The following CPNE5 variants were observed in gnomAD, a reference collection of about 807,000 sequenced individuals.
The protein encoded by CPNE5 is copine 5.
CPNE5 carries 42 observed loss-of-function variants against 81.1 expected under a neutral mutation model. That is an observed-to-expected ratio of 0.52 (90% CI 0.40 to 0.67). The LOEUF (loss-of-function observed/expected upper bound fraction) is 0.67, where lower values mean the gene tolerates loss of function less well. Among genes scored for constraint, CPNE5 ranks in the 30% least tolerant of loss-of-function variants. The pLI is 0.00. For missense variants in CPNE5, 612 were observed against 815.5 expected (o/e 0.75, Z 3.04); for synonymous variants, 313 against 321.5 (o/e 0.97, Z 0.28).
At chr6:36,760,251 C>T (rs1215227519) in intron 12 of CPNE5, among the ~76,000 whole-genome samples, 2 of 149,092 alleles carry the variant, frequency 1.3e-5, no homozygotes, top group Non-Finnish European at 3.0e-5. Flanking sequence ...ACACAGATTG[C>T]GGGTGGCTGG....
intron 2 of CPNE5, among the ~76,000 whole-genome samples, 181 bp from the exon 3 acceptor site, chr6:36,822,341 G>A (rs114041173): frequency 6.1e-4 from 93 of 151,724 alleles, no homozygotes; most frequent in African/African-American, 2.2e-3. Flanking sequence ...AGTGAGTCTG[G>A]CCCCCCAAGC....
At chr6:36,830,157 C>A (rs1192449627) in intron 1 of CPNE5, among the ~76,000 whole-genome samples, 1 of 152,194 alleles carries the variant, frequency 6.6e-6, no homozygotes, top group Non-Finnish European at 1.5e-5. Context: ...AAGAGGCATG[C>A]AGAAATGTGA....
intron 11 of CPNE5, among the ~76,000 whole-genome samples, chr6:36,764,258 G>A (rs1035215090): frequency 1.3e-5 from 2 of 152,036 alleles, no homozygotes; most frequent in East Asian, 1.9e-4. Flanking sequence ...AGGGTAAGAC[G>A]AGGCAAATTC....
chr6:36,748,397 C>T, intron 14 of CPNE5, 130 bp from the exon 15 acceptor site: 1 of 776,432 alleles, frequency 1.3e-6, no homozygotes, highest in Non-Finnish European at 2.3e-6. Context: ...TGAAGTCATT[C>T]ATCTCTTTCT....
Position 36,742,284 on chromosome 6 carries a change from AG to A in CPNE5, c.1765del (p.Leu589CysfsTer71). On this transcript the variant is annotated frameshift_variant, in exon 21 of 21. Transcript: ENST00000244751. LOFTEE classifies it high-confidence loss of function. ...AGACCAGGTTCAGATGTGCGTGTGCAGGGGGGACGCAGGGGGCGTGCGGGCT... is the reference window on the plus strand; with the variant it reads ...AGACCAGGTTCAGATGTGCGTGTGCAGGGGGACGCAGGGGGCGTGCGGGCT... ...SPARTPPASP[L>X]HTHI 1.1e-5 allele frequency: 17 copies of A among 1,593,316 alleles called. No homozygotes were observed. The highest frequency in any genetic ancestry group is 1.4e-5 in the Non-Finnish European group (16 of 1,171,982).
chr6:36,751,765 A>G (rs1390884582), intron 14 of CPNE5, among the ~76,000 whole-genome samples: 1 of 152,250 alleles, frequency 6.6e-6, no homozygotes, highest in Non-Finnish European at 1.5e-5. Flanking sequence ...ACTGCACTCC[A>G]GCCTGAGTGA....
chr6:36,825,427 C>T (rs529388525), intron 1 of CPNE5, among the ~76,000 whole-genome samples: 3 of 152,268 alleles, frequency 2.0e-5, no homozygotes, highest in East Asian at 3.9e-4. Context: ...CAACTCCAGT[C>T]TCTACATCCA....
intron 8 of CPNE5, among the ~76,000 whole-genome samples, chr6:36,782,353 C>T (rs1768102379): frequency 6.6e-6 from 1 of 152,162 alleles, no homozygotes; most frequent in Non-Finnish European, 1.5e-5. Context: ...GGCAACAGCT[C>T]TTAGTTTTGC....
chr6:36,805,142 G>C (rs1770475634), intron 3 of CPNE5, among the ~76,000 whole-genome samples: 1 of 152,228 alleles, frequency 6.6e-6, no homozygotes, highest in South Asian at 2.1e-4. Context: ...TTTGGCTGCT[G>C]TATTTCATTC....
chr6:36,774,779 G>A (rs908875198), intron 10 of CPNE5, among the ~76,000 whole-genome samples, 182 bp downstream of exon 10: 6 of 152,244 alleles, frequency 3.9e-5, no homozygotes, highest in Non-Finnish European at 7.3e-5. Flanking sequence ...GTGCAGCAGG[G>A]AAAGAGTGGA....
chr6:36,774,825 C>G (rs941713889), intron 10 of CPNE5, 136 bp downstream of exon 10: 2 of 671,508 alleles, frequency 3.0e-6, no homozygotes, highest in South Asian at 1.8e-5. Context: ...CAGGGCACCC[C>G]CTACTGCACA....
intron 3 of CPNE5, among the ~76,000 whole-genome samples, chr6:36,809,237 AGAGAGAGAGAGAGATT>A (rs1770879843): frequency 6.6e-6 from 1 of 150,848 alleles, no homozygotes; most frequent in Non-Finnish European, 1.5e-5. Flanking sequence ...AGGGAGAGAC[AGAGAGAGAGAGAGATT>A]GAGAGAGAGA....
intron 12 of CPNE5, among the ~76,000 whole-genome samples, chr6:36,759,556 C>G (rs1000044986): frequency 2.0e-4 from 31 of 152,052 alleles, no homozygotes; most frequent in Admixed American, 1.3e-3. Flanking sequence ...CTGAGGACTT[C>G]AAGGTCTTTG....
Position 36,745,161 on chromosome 6 carries a change from C to A in CPNE5, c.1329-11G>T. On this transcript the variant is annotated splice_polypyrimidine_tract_variant and intron_variant, in intron 17 of 20. Coordinates refer to ENST00000244751, the MANE Select transcript of CPNE5 (RefSeq NM_020939.2). Reference sequence around the variant, plus strand: ...ACGGCCGCTGCATTCCTGGGTGGGGCAGGTGTGGGCTCAGGTCTGTCTGCG... The same window carrying A: ...ACGGCCGCTGCATTCCTGGGTGGGGAAGGTGTGGGCTCAGGTCTGTCTGCG... 2.5e-6 allele frequency: 4 copies of A among 1,606,882 alleles called. No homozygotes were observed. Among genetic ancestry groups the A allele is most frequent in the African/African-American group, 2.7e-5 (2 of 74,904 alleles).
intron 1 of CPNE5, among the ~76,000 whole-genome samples, chr6:36,835,659 G>C (rs1773428488): frequency 6.6e-6 from 1 of 152,152 alleles, no homozygotes; most frequent in Non-Finnish European, 1.5e-5. Context: ...AGCCCTGTGT[G>C]GAGGCAGGCA....
chr6:36,834,971 T>G (rs1773347408), intron 1 of CPNE5, among the ~76,000 whole-genome samples: 1 of 152,096 alleles, frequency 6.6e-6, no homozygotes, highest in Non-Finnish European at 1.5e-5. Context: ...GCTGCCTCTC[T>G]GGCTCCAGGG....
chr6:36,817,870 C>T lies in CPNE5; in HGVS notation c.183+4244G>A, dbSNP rs573349183. Among the ~76,000 whole-genome samples the T allele has an allele frequency of 1.6e-4, 24 of 152,244 alleles. No individual in the cohort carries two copies. In the South Asian group the frequency reaches 3.9e-3, roughly 25 times the overall value. On this transcript the variant is annotated intron_variant, in intron 3 of 20. Transcript: ENST00000244751. ...CTTGGGGTTCTAGAAACCAGGACTCCCCTTCCTCCCAAGGCCTGGAGTAGT... is the reference window on the plus strand; with the variant it reads ...CTTGGGGTTCTAGAAACCAGGACTCTCCTTCCTCCCAAGGCCTGGAGTAGT...
At chr6:36,743,620 G>GCACC in intron 20 of CPNE5, 69 bp downstream of exon 20, 1 of 1,466,384 alleles carries the variant, frequency 6.8e-7, no homozygotes. Context: ...CCCCCAAAGG[G>GCACC]GGTGTGAGGT....
At chr6:36,777,720 G>A (rs1300385645) in intron 9 of CPNE5, among the ~76,000 whole-genome samples, 1 of 148,350 alleles carries the variant, frequency 6.7e-6, no homozygotes, top group Non-Finnish European at 1.5e-5. Flanking sequence ...CCCTTGAACT[G>A]AAACACACCT....
Sources: gnomAD v4.1 joint callset for allele counts (sites outside exome capture counted in the v4.1 genomes callset) on GRCh38, gnomAD v4.1.1 for gene constraint, MANE v1.5 for transcripts, NCBI Gene and HGNC (gene_info 2026-07-23, HGNC 2026-07-21) for gene names.